Variants in UTRN observed in about 807,000 individuals in gnomAD.
The protein encoded by UTRN is utrophin.
Under a neutral mutation model 463.9 loss-of-function variants are expected in UTRN, and 283 were observed. The observed-to-expected ratio is 0.61, with a 90% CI of 0.55 to 0.67. The LOEUF is 0.67. Among genes scored for constraint, UTRN ranks in the 30% least tolerant of loss-of-function variants. The probability of loss-of-function intolerance (pLI) is 0.00; values close to 1 mark genes in which losing one functional copy is unlikely to be tolerated. For synonymous variants in UTRN, 1,442 were observed against 1,431.5 expected, an observed-to-expected ratio of 1.01 and a Z score of -0.17; for missense variants, 3,922 against 4,084.3, an observed-to-expected ratio of 0.96 and a Z score of 1.08.
chr6:144,759,398 TTTGC>T (rs1426135944), intron 58 of UTRN, among the ~76,000 whole-genome samples: 1 of 152,152 alleles, frequency 6.6e-6, no homozygotes, highest in African/African-American at 2.4e-5. Flanking sequence ...AGAACTTTAA[TTTGC>T]TTGGTTGAAT....
intron 35 of UTRN, among the ~76,000 whole-genome samples, chr6:144,512,557 T>C (rs1389674922): frequency 6.8e-6 from 1 of 146,476 alleles, no homozygotes; most frequent in Non-Finnish European, 1.5e-5. Context: ...ATTTGTTCAC[T>C]TTTTTTTTTT....
At chr6:144,746,913 C>G (rs1790806811) in intron 54 of UTRN, among the ~76,000 whole-genome samples, 1 of 152,212 alleles carries the variant, frequency 6.6e-6, no homozygotes, top group South Asian at 2.1e-4. Context: ...ACCACTTAAG[C>G]AGCACAACTT....
intron 27 of UTRN, among the ~76,000 whole-genome samples, chr6:144,482,618 A>G (rs1792014037): frequency 6.6e-6 from 1 of 152,146 alleles, no homozygotes; most frequent in Non-Finnish European, 1.5e-5. Flanking sequence ...TCTGTCCCTA[A>G]TTATCAGAAG....
chr6:144,495,224 GC>G (rs1290762638), intron 33 of UTRN, among the ~76,000 whole-genome samples: 1 of 152,170 alleles, frequency 6.6e-6, no homozygotes, highest in Non-Finnish European at 1.5e-5. Flanking sequence ...GGAGGCTCCG[GC>G]CGCACAGGAG....
At chr6:144,589,614 A>T (rs990378491) in intron 51 of UTRN, among the ~76,000 whole-genome samples, 2 of 152,222 alleles carry the variant, frequency 1.3e-5, no homozygotes, top group African/African-American at 2.4e-5. Context: ...GAGAGATTAC[A>T]TTAACTAAGT....
intron 51 of UTRN, among the ~76,000 whole-genome samples, chr6:144,640,207 AAT>A: frequency 6.6e-6 from 1 of 152,154 alleles, no homozygotes; most frequent in East Asian, 1.9e-4. Context: ...CCTCCACCTT[AAT>A]ATCAAGAACA....
At chr6:144,534,198 T>A (rs1476303523) in intron 43 of UTRN, among the ~76,000 whole-genome samples, 1 of 152,220 alleles carries the variant, frequency 6.6e-6, no homozygotes, top group African/African-American at 2.4e-5. Flanking sequence ...AGACAAATAA[T>A]AATTAGTACG....
In UTRN at chr6:144,819,683, ACT is replaced by A. The variant is rs543762132; in HGVS notation, c.9358-1196_9358-1195del. ...ATGCCAGCTTGGGCAACAGAGCGAG[ACT>A]CTGTCTCAAAAAAATAAAAAAAGTT... On this transcript the variant is annotated intron_variant, in intron 65 of 74. Coordinates refer to ENST00000367545, the MANE Select transcript of UTRN (RefSeq NM_007124.3). Among the ~76,000 whole-genome samples the A allele has an allele frequency of 2.7e-3, 414 of 152,152 alleles. 1 individual carries two copies. Among genetic ancestry groups the A allele is most frequent in the Middle Eastern group, 6.8e-3 (2 of 294 alleles).
chr6:144,543,506 T>C (rs1441314838), intron 46 of UTRN, among the ~76,000 whole-genome samples: 1 of 152,190 alleles, frequency 6.6e-6, no homozygotes, highest in Admixed American at 6.5e-5. Flanking sequence ...CTCTGTTGAG[T>C]CACCTGGCAA....
In UTRN at chr6:144,513,970, A is replaced by C. The variant is rs988883000; in HGVS notation, c.5006A>C (p.Tyr1669Ser). 19 of 1,613,952 alleles carry C rather than the reference A, an allele frequency of 1.2e-5. No homozygotes were observed. Among genetic ancestry groups the C allele is most frequent in the Non-Finnish European group, 1.5e-5 (18 of 1,179,966 alleles). The change falls in exon 36 of 75, where the codon TAT becomes TCT. Residue 1669 changes from tyrosine to serine, a missense_variant. Physicochemically the swap from Tyr to Ser is moderately radical, Grantham distance 144 (BLOSUM62 -2). This residue lies in a region of UTRN where 2,349 missense variants were observed against 2,303.8 expected (regional missense o/e 1.02). Transcript: ENST00000367545. ...GTGGCTCACATAAGTACCTGGCTTT[A>C]TCAAGCTGAAGCTCTATTGGATGAA... ...GNVAHISTWL[Y>S]QAEALLDEIE...
chr6:144,732,388 G>A lies in UTRN; in HGVS notation c.7939+1902G>A, dbSNP rs140463602. 1.5e-3 allele frequency among the ~76,000 whole-genome samples: 232 copies of A among 151,100 alleles called. 2 individuals are homozygous for A. The East Asian group carries it at 0.037, about 24-fold the overall frequency. ...ATTAATTCCACATTCTCAGCCTTTT[G>A]TGTGTAGACTTAGAATAGTTTTAGG... On this transcript the variant is annotated intron_variant, in intron 54 of 74. Coordinates refer to ENST00000367545, the MANE Select transcript of UTRN (RefSeq NM_007124.3).
At chr6:144,336,150 G>C (rs1409381752) in intron 2 of UTRN, among the ~76,000 whole-genome samples, 3 of 152,172 alleles carry the variant, frequency 2.0e-5, no homozygotes, top group African/African-American at 7.2e-5. Context: ...TCAGGGCTGA[G>C]ATGCCTACAG....
chr6:144,377,550 T>C (rs1215185008), intron 2 of UTRN, among the ~76,000 whole-genome samples: 2 of 152,206 alleles, frequency 1.3e-5, no homozygotes, highest in Middle Eastern at 3.2e-3. Flanking sequence ...TCTGTGTGTA[T>C]GAATGCAGGT....
At chr6:144,605,490 T>C (rs564212092) in intron 51 of UTRN, among the ~76,000 whole-genome samples, 1 of 151,978 alleles carries the variant, frequency 6.6e-6, no homozygotes, top group East Asian at 1.9e-4. Flanking sequence ...CCCACTCTTA[T>C]TTCATTGTGA....
chr6:144,412,790 C>G (rs533071655), intron 3 of UTRN, among the ~76,000 whole-genome samples: 37 of 141,452 alleles, frequency 2.6e-4, no homozygotes, highest in South Asian at 1.3e-3. Flanking sequence ...CACACACACA[C>G]AGTAAACAAT....
intron 69 of UTRN, among the ~76,000 whole-genome samples, chr6:144,834,516 G>T (rs9321995): frequency 0.05 from 7,519 of 151,776 alleles, 520 homozygotes; most frequent in African/African-American, 0.15. Flanking sequence ...TTCACCAACT[G>T]TCTGATACAA....
intron 51 of UTRN, among the ~76,000 whole-genome samples, chr6:144,667,416 A>T (rs978760610): frequency 6.6e-6 from 1 of 152,086 alleles, no homozygotes; most frequent in Non-Finnish European, 1.5e-5. Context: ...CCACATCAGG[A>T]TGTTGTAGTT....
chr6:144,492,708 C>A (rs1344104610), intron 32 of UTRN, among the ~76,000 whole-genome samples: 1 of 152,158 alleles, frequency 6.6e-6, no homozygotes, highest in African/African-American at 2.4e-5. Flanking sequence ...TAATAATGGT[C>A]ATTCAGACTG....
In UTRN at chr6:144,554,829, C is replaced by G; in HGVS notation, c.7070C>G (p.Ala2357Gly). The G allele has an allele frequency of 1.2e-6, 2 of 1,614,002 alleles. No homozygotes were observed. Among genetic ancestry groups the G allele is most frequent in the Non-Finnish European group, 1.7e-6 (2 of 1,179,968 alleles). The change falls in exon 49 of 75, where the codon GCT (alanine) becomes GGT (glycine). Residue 2357 changes from alanine (A) to glycine (G), a missense_variant. Ala to Gly is a moderately conservative substitution (Grantham distance 60). Coordinates refer to ENST00000367545, the MANE Select transcript of UTRN (RefSeq NM_007124.3). ...ETEELMRKYEARLYILQQARR... is the reference protein window; with the variant it reads ...ETEELMRKYEGRLYILQQARR... Reference sequence around the variant, plus strand: ...GAAGAACTGATGAGAAAATATGAGGCTCGACTCTATATTCTTCAGCAAGCC... The same window carrying G: ...GAAGAACTGATGAGAAAATATGAGGGTCGACTCTATATTCTTCAGCAAGCC...
Sources: allele counts gnomAD v4.1 joint callset (sites outside exome capture counted in the v4.1 genomes callset), GRCh38; gene constraint gnomAD v4.1.1; regional missense constraint gnomAD v4.1.1; transcripts MANE v1.5; gene names NCBI Gene and HGNC (gene_info 2026-07-23, HGNC 2026-07-21).